Variants in FOXI1 observed in about 807,000 individuals in gnomAD.
The protein encoded by FOXI1 is forkhead box protein I1.
FOXI1 carries 11 observed loss-of-function variants against 16.4 expected under a neutral mutation model. The ratio of observed to expected loss-of-function variants is 0.67; its 90% CI spans 0.42 to 1.11. The LOEUF is 1.11. Ranked by LOEUF, FOXI1 falls within the 50% of genes least tolerant of loss-of-function variation. The pLI, the probability that FOXI1 is intolerant of heterozygous loss-of-function variation, is 0.00. For missense variants in FOXI1, 480 were observed against 506.1 expected, an observed-to-expected ratio of 0.95 and a Z score of 0.49; for synonymous variants, 218 against 211.5, an observed-to-expected ratio of 1.03 and a Z score of -0.27.
At position 170,108,294 on chromosome 5, in the gene FOXI1, G is replaced by T. The variant is rs774458612; in HGVS notation, c.820G>T (p.Gly274Cys). Residue 274 changes from glycine (G) to cysteine (C), a missense_variant, in exon 2 of 2, where the codon GGC (glycine) becomes TGC (cysteine). Around this residue, in one of 3 missense-constraint regions of FOXI1, gnomAD observed 257 missense variants for 262.2 expected, o/e 0.98. Coordinates refer to ENST00000306268, the MANE Select transcript of FOXI1 (RefSeq NM_012188.5). ...PEKRPSPPPS[G>C]APCLNSFLSS... Reference sequence around the variant, plus strand: ...GAAGCGGCCCTCCCCTCCCCCATCAGGCGCCCCTTGCCTTAACAGCTTCCT... The same window carrying T: ...GAAGCGGCCCTCCCCTCCCCCATCATGCGCCCCTTGCCTTAACAGCTTCCT... 6.2e-7 allele frequency: 1 copy of T among 1,614,132 alleles called. No individual in the cohort carries two copies. Among genetic ancestry groups the T allele is most frequent in the South Asian group, 1.1e-5 (1 of 91,076 alleles).
chr5:170,106,058 ACTT>A lies in FOXI1; in HGVS notation c.106_108del (p.Phe36del). On this transcript the variant is annotated inframe_deletion, in exon 1 of 2. Transcript: ENST00000306268. ...CCCGAGATGAACCTCTACTATGAGA[ACTT>A]CTTCCACCCACAGGGCGTGCCCAGC... 1 of 1,613,112 alleles carries A rather than the reference ACTT, an allele frequency of 6.2e-7. No homozygotes were observed. Among genetic ancestry groups the A allele is most frequent in the African/African-American group, 1.3e-5 (1 of 74,936 alleles).
At chr5:170,106,593 A>G in intron 1 of FOXI1, 62 bp downstream of exon 1, 1 of 1,598,268 alleles carries the variant, frequency 6.3e-7, no homozygotes, top group South Asian at 1.1e-5. Flanking sequence ...CCTCCCCAAG[A>G]CCCCATTCTA....
Position 170,106,417 on chromosome 5 carries a change from G to A in FOXI1, c.460G>A (p.Ala154Thr). 1 of 1,614,212 alleles carries A rather than the reference G, an allele frequency of 6.2e-7. No homozygotes were observed. The highest frequency in any genetic ancestry group is 8.5e-7 in the Non-Finnish European group (1 of 1,180,026). Residue 154 changes from alanine to threonine, a missense_variant, in exon 1 of 2, where the codon GCC (alanine) becomes ACC (threonine). Coordinates refer to ENST00000306268, the MANE Select transcript of FOXI1 (RefSeq NM_012188.5). ...TCTCAGCCAGATCTACCAGTACGTG[G>A]CCGACAACTTCCCCTTCTACAACAA... The part of the protein sequence containing the change: ...LTLSQIYQYV[A>T]DNFPFYNKSK...
At chr5:170,107,488 C>A (rs184607488) in intron 1 of FOXI1, among the ~76,000 whole-genome samples, 1 of 152,156 alleles carries the variant, frequency 6.6e-6, no homozygotes, top group Non-Finnish European at 1.5e-5. Context: ...GGCCTTCCCT[C>A]GGGAAGGTAC....
chr5:170,106,184 TGCC>T lies in FOXI1; in HGVS notation c.228_230del (p.Pro77del). 6.3e-7 allele frequency: 1 copy of T among 1,592,090 alleles called. No individual in the cohort carries two copies. The highest frequency in any genetic ancestry group is 1.1e-5 in the South Asian group (1 of 88,440). ...CCCACCATGACCCCGCCACCCTACC[TGCC>T]CGGCCCCAACGCCAGCCCCTTCCTG... is the stretch of plus-strand genomic sequence containing the variant. On this transcript the variant is annotated inframe_deletion, in exon 1 of 2. Transcript: ENST00000306268.
At position 170,106,264 on chromosome 5, in the gene FOXI1, G is replaced by C. The variant is rs1053809070; in HGVS notation, c.307G>C (p.Gly103Arg). The C allele has an allele frequency of 1.9e-6, 3 of 1,579,824 alleles. No homozygotes were observed. Among genetic ancestry groups the C allele is most frequent in the East Asian group, 2.4e-5 (1 of 42,384 alleles). The change falls in exon 1 of 2, where the codon GGG becomes CGG. Residue 103 changes from glycine (G) to arginine (R), a missense_variant. Gly to Arg is a moderately radical substitution (Grantham distance 125, BLOSUM62 -2). Coordinates refer to ENST00000306268, the MANE Select transcript of FOXI1 (RefSeq NM_012188.5). ...GCTGCTGCCCAGCGTGTCGGGGCTTGGGGGGAGCGACCTGGGCTGGCTGCC... is the reference window on the plus strand; with the variant it reads ...GCTGCTGCCCAGCGTGTCGGGGCTTCGGGGGAGCGACCTGGGCTGGCTGCC... ...RPLLPSVSGL[G>R]GSDLGWLPIP... is the part of the protein sequence containing the mutation.
intron 1 of FOXI1, among the ~76,000 whole-genome samples, 172 bp from the exon 2 acceptor site, chr5:170,107,877 G>T (rs973902804): frequency 6.6e-6 from 1 of 152,204 alleles, no homozygotes; most frequent in South Asian, 2.1e-4. Flanking sequence ...AATTAAAGAT[G>T]GAGGTGGTGT....
Position 170,105,970 on chromosome 5 carries a change from G to T in FOXI1, c.13G>T (p.Asp5Tyr), listed in dbSNP as rs779571186. Residue 5 changes from aspartate to tyrosine, a missense_variant, in exon 1 of 2, where the codon GAC becomes TAC. Transcript: ENST00000306268. MSSF[D>Y]LPAPSPPRCS... is the part of the protein sequence containing the mutation. Reference sequence around the variant, plus strand: ...GCCCAGCCCCAGCATGAGCTCCTTCGACCTGCCGGCGCCCTCCCCACCTCG... The same window carrying T: ...GCCCAGCCCCAGCATGAGCTCCTTCTACCTGCCGGCGCCCTCCCCACCTCG... The T allele has an allele frequency of 6.2e-7, 1 of 1,610,308 alleles. No homozygotes were observed. The highest frequency in any genetic ancestry group is 8.5e-7 in the Non-Finnish European group (1 of 1,177,438).
At position 170,107,038 on chromosome 5, in the gene FOXI1, G is replaced by T. The variant is rs547576242; in HGVS notation, c.574+507G>T. 47 of 983,634 alleles carry T rather than the reference G, an allele frequency of 4.8e-5. No homozygotes were observed. In the African/African-American group the frequency reaches 7.2e-4, roughly 15 times the overall value. 60.9% of individuals were successfully genotyped at this position (983,634 alleles called of 1,614,324 possible). A position where few individuals can be genotyped will look rare whatever the true frequency, so the allele number is the denominator to read the frequency against. On this transcript the variant is annotated intron_variant, in intron 1 of 1. Transcript: ENST00000306268. Reference sequence around the variant, plus strand: ...TAAACAGCCACTAATGGCCCATTTTGCTGCCTGCCTTGTTTCTACTTAGGT... The same window carrying T: ...TAAACAGCCACTAATGGCCCATTTTTCTGCCTGCCTTGTTTCTACTTAGGT...
chr5:170,108,175 C>G lies in FOXI1; in HGVS notation c.701C>G (p.Thr234Arg), dbSNP rs756583314. The G allele has an allele frequency of 1.2e-6, 2 of 1,614,106 alleles. No individual in the cohort carries two copies. Among genetic ancestry groups the G allele is most frequent in the African/African-American group, 2.7e-5 (2 of 74,936 alleles). ...SSTASLALEK[T>R]ESSLPVDSPK... ...ACAGCCTCCTTGGCCTTAGAGAAGA[C>G]AGAGAGCAGTCTCCCGGTGGACAGC... Residue 234 changes from threonine to arginine, a missense_variant, in exon 2 of 2, where the codon ACA becomes AGA. Around this residue, in one of 3 missense-constraint regions of FOXI1, gnomAD observed 257 missense variants for 262.2 expected, o/e 0.98. Transcript: ENST00000306268.
At position 170,105,969 on chromosome 5, in the gene FOXI1, C is replaced by T. The variant is rs757881412; in HGVS notation, c.12C>T (p.Phe4=). The part of the protein sequence containing the change: MSS[F]DLPAPSPPRC... The stretch of plus-strand genomic sequence containing the variant: ...AGCCCAGCCCCAGCATGAGCTCCTT[C>T]GACCTGCCGGCGCCCTCCCCACCTC... The change falls in exon 1 of 2, where the codon TTC becomes TTT. Residue 4 remains phenylalanine, a synonymous_variant. Transcript: ENST00000306268. 9.9e-6 allele frequency: 16 copies of T among 1,610,236 alleles called. No homozygotes were observed. Among genetic ancestry groups the T allele is most frequent in the South Asian group, 7.7e-5 (7 of 90,790 alleles).
intron 1 of FOXI1, 87 bp downstream of exon 1, chr5:170,106,618 G>C (rs1174737831): frequency 6.4e-7 from 1 of 1,559,068 alleles, no homozygotes; most frequent in East Asian, 2.4e-5. Flanking sequence ...GTTCTGACTA[G>C]GGCTGTGCCC....
Position 170,108,824 on chromosome 5 carries a change from C to G in FOXI1, c.*213C>G. 1.7e-6 allele frequency: 1 copy of G among 602,028 alleles called. No homozygotes were observed. The highest frequency in any genetic ancestry group is 3.0e-6 in the Non-Finnish European group (1 of 337,582). 37.3% of individuals were successfully genotyped at this position (602,028 alleles called of 1,614,324 possible). A position where few individuals can be genotyped will look rare whatever the true frequency, so the allele number is the denominator to read the frequency against. ...ACTCACCAACTTTGCAATAGAAATA[C>G]TGGTGCCTGCAGAGCAGCACTAACA... is the stretch of plus-strand genomic sequence containing the variant. On this transcript the variant is annotated 3_prime_UTR_variant, in exon 2 of 2. Transcript: ENST00000306268.
rs1212076660 is a variant in FOXI1, at chr5:170,108,624, T to A, written c.*13T>A. 1.1e-5 allele frequency: 17 copies of A among 1,600,738 alleles called. No individual in the cohort carries two copies. The highest frequency in any genetic ancestry group is 1.5e-5 in the Non-Finnish European group (17 of 1,168,756). ...CACCGAGGTCTAGGTACAGAACAGCTCCTGAGCCAGGTGGACATGCCAGAG... is the reference window on the plus strand; with the variant it reads ...CACCGAGGTCTAGGTACAGAACAGCACCTGAGCCAGGTGGACATGCCAGAG... On this transcript the variant is annotated 3_prime_UTR_variant, in exon 2 of 2. Transcript: ENST00000306268.
intron 1 of FOXI1, chr5:170,106,776 T>C: frequency 3.8e-6 from 1 of 262,568 alleles, no homozygotes; most frequent in South Asian, 1.4e-4. Flanking sequence ...AGAGCCTCAG[T>C]TCCCTCATCG....
rs149074487 is a variant in FOXI1, at chr5:170,108,348, G to C, written c.874G>C (p.Gly292Arg). The C allele has an allele frequency of 6.2e-7, 1 of 1,614,138 alleles. No homozygotes were observed. Among genetic ancestry groups the C allele is most frequent in the Non-Finnish European group, 8.5e-7 (1 of 1,180,026 alleles). The change falls in exon 2 of 2, where the codon GGG becomes CGG. Residue 292 changes from glycine to arginine, a missense_variant. Around this residue, in one of 3 missense-constraint regions of FOXI1, gnomAD observed 257 missense variants for 262.2 expected, o/e 0.98. Coordinates refer to ENST00000306268, the MANE Select transcript of FOXI1 (RefSeq NM_012188.5). ...CTCTATGACAGCCTATGTGAGCGGGGGGAGCCCCACGAGCCACCCCTTGGT... is the reference window on the plus strand; with the variant it reads ...CTCTATGACAGCCTATGTGAGCGGGCGGAGCCCCACGAGCCACCCCTTGGT... Reference protein sequence around the residue: ...LSSMTAYVSGGSPTSHPLVTP... With the variant: ...LSSMTAYVSGRSPTSHPLVTP...
In FOXI1 at chr5:170,108,849, A is replaced by T; in HGVS notation, c.*238A>T. The T allele has an allele frequency of 1.0e-5, 6 of 577,992 alleles. No homozygotes were observed. Among genetic ancestry groups the T allele is most frequent in the East Asian group, 3.0e-5 (1 of 33,796 alleles). 35.8% of individuals were successfully genotyped at this position (577,992 alleles called of 1,614,324 possible). A position where few individuals can be genotyped will look rare whatever the true frequency, so the allele number is the denominator to read the frequency against. On this transcript the variant is annotated 3_prime_UTR_variant, in exon 2 of 2. Transcript: ENST00000306268. ...CTGGTGCCTGCAGAGCAGCACTAAC[A>T]GTGGCAGGTGCTGTACTAGGCTCTG...
Position 170,108,497 on chromosome 5 carries a change from G to T in FOXI1, c.1023G>T (p.Met341Ile), listed in dbSNP as rs1396010762. ...GTGGGGGTGACTGGGCGAACCCCAT[G>T]CCCACCAACATGCTCAGCTATGGAG... ...HSGGGDWANP[M>I]PTNMLSYGGS... Residue 341 changes from methionine to isoleucine, a missense_variant, in exon 2 of 2, where the codon ATG becomes ATT. Transcript: ENST00000306268. The T allele has an allele frequency of 6.2e-7, 1 of 1,603,330 alleles. No individual in the cohort carries two copies. The highest frequency in any genetic ancestry group is 1.1e-5 in the South Asian group (1 of 89,694).
At chr5:170,106,950 T>A in intron 1 of FOXI1, 1 of 983,824 alleles carries the variant, frequency 1.0e-6, no homozygotes, top group Non-Finnish European at 1.2e-6. Flanking sequence ...GGTGAATGAA[T>A]GACTGGACCA....
Sources: gnomAD v4.1 joint callset for allele counts (sites outside exome capture counted in the v4.1 genomes callset) on GRCh38, gnomAD v4.1.1 for gene constraint, gnomAD v4.1.1 regional missense constraint, MANE v1.5 for transcripts, NCBI Gene and HGNC (gene_info 2026-07-23, HGNC 2026-07-21) for gene names.